The following TRIM24 variants were observed in gnomAD, a reference collection of about 807,000 sequenced individuals.
TRIM24 encodes transcription intermediary factor 1-alpha.
Under a neutral mutation model 123.9 loss-of-function variants are expected in TRIM24, and 29 were observed. The ratio of observed to expected loss-of-function variants is 0.23; its 90% CI spans 0.17 to 0.32. The LOEUF is 0.32. TRIM24 is among the 10% of genes least tolerant of loss of function. TRIM24 has a pLI of 1.00. For synonymous variants in TRIM24, 456 were observed against 461.1 expected (o/e 0.99, Z 0.14); for missense variants, 932 against 1,295.3 (o/e 0.72, Z 4.31).
intron 1 of TRIM24, among the ~76,000 whole-genome samples, chr7:138,492,127 C>T (rs570326364): frequency 6.6e-6 from 1 of 151,360 alleles, no homozygotes. Context: ...AAAAATTTAG[C>T]CAGGCATGGT....
chr7:138,582,981 A>AC (rs1205788130), intron 17 of TRIM24, among the ~76,000 whole-genome samples: 1 of 152,226 alleles, frequency 6.6e-6, no homozygotes, highest in Admixed American at 6.5e-5. Flanking sequence ...ATCCTGGCTT[A>AC]CAGTTACGTT....
At chr7:138,511,841 A>G (rs2116547944) in intron 2 of TRIM24, among the ~76,000 whole-genome samples, 1 of 152,280 alleles carries the variant, frequency 6.6e-6, no homozygotes, top group South Asian at 2.1e-4. Context: ...AGTCCCCCAG[A>G]GTCTTAACCA....
intron 2 of TRIM24, among the ~76,000 whole-genome samples, chr7:138,510,389 A>G (rs1307082878): frequency 1.3e-5 from 2 of 151,842 alleles, no homozygotes; most frequent in African/African-American, 2.4e-5. Flanking sequence ...CAATCAAATC[A>G]TGTGTGTGTG....
chr7:138,468,101 C>G (rs1427747956), intron 1 of TRIM24, among the ~76,000 whole-genome samples: 3 of 152,128 alleles, frequency 2.0e-5, no homozygotes. Flanking sequence ...AGGAGGAAAA[C>G]ACTCAATTTT....
rs753104674 is a variant in TRIM24, at chr7:138,515,262, G to A, written c.534G>A (p.Glu178=). The change falls in exon 3 of 19, where the codon GAG becomes GAA. Residue 178 remains glutamate, a synonymous_variant. Transcript: ENST00000343526. ...CAGAAGCCAATGGGTTTTGTGTAGA[G>A]TGTGTTGAATGGCTCTGCAAGACGT... ...DNAEANGFCV[E]CVEWLCKTCI... The A allele has an allele frequency of 1.2e-6, 2 of 1,614,028 alleles. No individual in the cohort carries two copies. The highest frequency in any genetic ancestry group is 2.2e-5 in the South Asian group (2 of 91,054).
In TRIM24 at chr7:138,471,146, G is replaced by C. The variant is rs113343466; in HGVS notation, c.364+10234G>C. On this transcript the variant is annotated intron_variant, in intron 1 of 18. Transcript: ENST00000343526. ...TCCTCCATTACAAATGATGGACCAT[G>C]CATTAAGTGTATACTGCATCTGAAA... 8.0e-3 allele frequency among the ~76,000 whole-genome samples: 1,220 copies of C among 152,304 alleles called. 8 individuals carry two copies. The highest frequency in any genetic ancestry group is 0.011 in the Non-Finnish European group (780 of 68,024).
intron 9 of TRIM24, among the ~76,000 whole-genome samples, chr7:138,566,664 C>T (rs1797542008): frequency 6.6e-6 from 1 of 151,916 alleles, no homozygotes; most frequent in South Asian, 2.1e-4. Flanking sequence ...TTGGTGTTAG[C>T]TGTGTGACTT....
intron 17 of TRIM24, among the ~76,000 whole-genome samples, chr7:138,582,577 C>T (rs181184804): frequency 1.0e-3 from 152 of 148,128 alleles, no homozygotes; most frequent in Non-Finnish European, 1.8e-4. Context: ...GTGACTTTAA[C>T]GCATAATTTT....
intron 1 of TRIM24, among the ~76,000 whole-genome samples, chr7:138,466,714 T>C (rs568808283): frequency 6.6e-6 from 1 of 152,178 alleles, no homozygotes; most frequent in Non-Finnish European, 1.5e-5. Flanking sequence ...CTAGGTCCTT[T>C]GTCAGATACA....
At chr7:138,491,751 T>A (rs1381260509) in intron 1 of TRIM24, among the ~76,000 whole-genome samples, 1 of 152,168 alleles carries the variant, frequency 6.6e-6, no homozygotes, top group Non-Finnish European at 1.5e-5. Context: ...CCACAGCAGC[T>A]CCACCATTTT....
In TRIM24 at chr7:138,505,050, C is replaced by T. The variant is rs190725380; in HGVS notation, c.483+642C>T. On this transcript the variant is annotated intron_variant, in intron 2 of 18. Transcript: ENST00000343526. Reference sequence around the variant, plus strand: ...TGTTGGGATTATAGGCGTGAGCCACCGTGCCTGGCCTCTTTTTGCCAACTA... The same window carrying T: ...TGTTGGGATTATAGGCGTGAGCCACTGTGCCTGGCCTCTTTTTGCCAACTA... 4.6e-5 allele frequency among the ~76,000 whole-genome samples: 7 copies of T among 152,288 alleles called. No individual in the cohort carries two copies. In the South Asian group the frequency reaches 8.3e-4, roughly 18 times the overall value.
chr7:138,573,625 C>T lies in TRIM24; in HGVS notation c.1997C>T (p.Pro666Leu), dbSNP rs1172216039. 2 of 1,611,702 alleles carry T rather than the reference C, an allele frequency of 1.2e-6. No homozygotes were observed. Among genetic ancestry groups the T allele is most frequent in the African/African-American group, 2.7e-5 (2 of 74,914 alleles). Residue 666 changes from proline to leucine, a missense_variant, in exon 12 of 19, where the codon CCA becomes CTA. Coordinates refer to ENST00000343526, the MANE Select transcript of TRIM24 (RefSeq NM_015905.3). The part of the protein sequence containing the change: ...RTVQSPNSSV[P>L]SPGLAGPVTM... ...GTCCAGTCACCAAATTCATCAGTGC[C>T]ATCTCCAGGCCTTGCAGGTAAAGTG...
chr7:138,516,098 G>A (rs896884178), intron 3 of TRIM24, among the ~76,000 whole-genome samples: 18 of 152,110 alleles, frequency 1.2e-4, no homozygotes, highest in African/African-American at 4.3e-4. Context: ...AGGAGATCGA[G>A]ACCATCCTGG....
At chr7:138,464,223 C>G (rs1349239881) in intron 1 of TRIM24, among the ~76,000 whole-genome samples, 3 of 151,664 alleles carry the variant, frequency 2.0e-5, no homozygotes, top group Non-Finnish European at 4.4e-5. Context: ...GTCTCGATCT[C>G]CTGACCTTGT....
At chr7:138,493,663 C>T (rs1795843476) in intron 1 of TRIM24, among the ~76,000 whole-genome samples, 1 of 152,140 alleles carries the variant, frequency 6.6e-6, no homozygotes, top group African/African-American at 2.4e-5. Flanking sequence ...CCTCAGGGAA[C>T]TGCCATACCA....
chr7:138,573,443 A>G, intron 11 of TRIM24, 64 bp from the exon 12 acceptor site: 2 of 1,416,276 alleles, frequency 1.4e-6, no homozygotes, highest in Non-Finnish European at 1.9e-6. Context: ...CTTTCTTATA[A>G]ATTTAAAAGT....
intron 2 of TRIM24, among the ~76,000 whole-genome samples, chr7:138,511,307 T>TC (rs1191944591): frequency 2.7e-5 from 4 of 150,554 alleles, no homozygotes; most frequent in African/African-American, 4.9e-5. Context: ...TTTCTTTCTT[T>TC]TTTTTTTTTT....
At chr7:138,484,309 A>G (rs1795598873) in intron 1 of TRIM24, among the ~76,000 whole-genome samples, 1 of 151,658 alleles carries the variant, frequency 6.6e-6, no homozygotes, top group Admixed American at 6.6e-5. Flanking sequence ...GTGTTTCACC[A>G]TGTTGGTCAG....
chr7:138,526,059 CTTCTGTTGT>C (rs1360335908), intron 5 of TRIM24, among the ~76,000 whole-genome samples: 4 of 152,320 alleles, frequency 2.6e-5, no homozygotes, highest in Non-Finnish European at 5.9e-5. Context: ...CCCATGACCT[CTTCTGTTGT>C]TTTACACACA....
Sources: gnomAD v4.1 joint callset for allele counts (sites outside exome capture counted in the v4.1 genomes callset) on GRCh38, gnomAD v4.1.1 for gene constraint, MANE v1.5 for transcripts, NCBI Gene and HGNC (gene_info 2026-07-23, HGNC 2026-07-21) for gene names.